Variants in PLAU observed in about 807,000 individuals in gnomAD.
PLAU encodes urokinase-type plasminogen activator.
PLAU carries 32 observed loss-of-function variants against 48.9 expected under a neutral mutation model. The ratio of observed to expected loss-of-function variants is 0.65; its 90% CI spans 0.49 to 0.88. The LOEUF (loss-of-function observed/expected upper bound fraction) is 0.88. Among genes scored for constraint, PLAU ranks in the 40% least tolerant of loss-of-function variants. PLAU has a pLI of 0.00. For missense variants in PLAU, 455 were observed against 545.2 expected, an observed-to-expected ratio of 0.83 and a Z score of 1.65; for synonymous variants, 199 against 205.7, an observed-to-expected ratio of 0.97 and a Z score of 0.28.
Position 73,913,376 on chromosome 10 carries a change from C to T in PLAU, c.455C>T (p.Ala152Val), listed in dbSNP as rs2096129082. The T allele has an allele frequency of 6.2e-7, 1 of 1,613,484 alleles. No individual in the cohort carries two copies. ...LVQECMVHDCADGKKPSSPPE... is the reference protein window; with the variant it reads ...LVQECMVHDCVDGKKPSSPPE... The stretch of plus-strand genomic sequence containing the variant: ...CAAGAGTGCATGGTGCATGACTGCG[C>T]AGATGGTGAGCATCACTGACCTGCT... Residue 152 changes from alanine to valine, a missense_variant, in exon 6 of 11, where the codon GCA becomes GTA. By Grantham distance (64) the Ala-to-Val change is moderately conservative. Coordinates refer to ENST00000372764, the MANE Select transcript of PLAU (RefSeq NM_002658.6).
chr10:73,913,522 C>T lies in PLAU; in HGVS notation c.461-17C>T, dbSNP rs1169167050. The T allele has an allele frequency of 6.2e-7, 1 of 1,602,984 alleles. No homozygotes were observed. The highest frequency in any genetic ancestry group is 1.7e-5 in the Admixed American group (1 of 59,710). On this transcript the variant is annotated splice_polypyrimidine_tract_variant and intron_variant, in intron 6 of 10. Transcript: ENST00000372764. ...TCCTACCTGCCTCCCTAAGACATCC[C>T]TCTGTTTGTCCTCCAGGAAAAAAGC...
Position 73,914,863 on chromosome 10 carries a change from A to G in PLAU, c.917A>G (p.Asp306Gly). ...ATCTGCCTGCCCTCGATGTATAACGATCCCCAGTTTGGCACAAGCTGTGAG... is the reference window on the plus strand; with the variant it reads ...ATCTGCCTGCCCTCGATGTATAACGGTCCCCAGTTTGGCACAAGCTGTGAG... ...QTICLPSMYNDPQFGTSCEIT... is the reference protein window; with the variant it reads ...QTICLPSMYNGPQFGTSCEIT... The change falls in exon 9 of 11, where the codon GAT becomes GGT. Residue 306 changes from aspartate (D) to glycine (G), a missense_variant. Asp to Gly is a moderately conservative substitution (Grantham distance 94, BLOSUM62 -1). Coordinates refer to ENST00000372764, the MANE Select transcript of PLAU (RefSeq NM_002658.6). 6.2e-7 allele frequency: 1 copy of G among 1,614,208 alleles called. No homozygotes were observed. The highest frequency in any genetic ancestry group is 1.7e-5 in the Admixed American group (1 of 60,026).
At chr10:73,909,717 C>T (rs1026625533), upstream of PLAU, among the ~76,000 whole-genome samples, 10 of 152,172 alleles carry the variant, frequency 6.6e-5, no homozygotes, top group African/African-American at 2.4e-4. Flanking sequence ...TGGGAAAGGG[C>T]CCAAAGCCGC....
At position 73,913,665 on chromosome 10, in the gene PLAU, T is replaced by C. The variant is rs766391157; in HGVS notation, c.587T>C (p.Ile196Thr). ...GAGAACCAGCCCTGGTTTGCGGCCA[T>C]CTACAGGAGGCACCGGGGGGGCTCT... ...TIENQPWFAA[I>T]YRRHRGGSVT... The change falls in exon 7 of 11, where the codon ATC (isoleucine) becomes ACC (threonine). Residue 196 changes from isoleucine (I) to threonine (T), a missense_variant. Ile to Thr is a moderately conservative substitution (Grantham distance 89, BLOSUM62 -1). Coordinates refer to ENST00000372764, the MANE Select transcript of PLAU (RefSeq NM_002658.6). The C allele has an allele frequency of 2.5e-5, 40 of 1,613,852 alleles. No homozygotes were observed. Among genetic ancestry groups the C allele is most frequent in the Non-Finnish European group, 3.2e-5 (38 of 1,179,926 alleles).
chr10:73,916,959 G>GT lies in PLAU; in HGVS notation c.*395dup, dbSNP rs1448195193. ...ATGAATAATTTCCCAATTAGGAAGT[G>GT]TAACAGCTGAGGTCTCTTGAGGGAG... On this transcript the variant is annotated 3_prime_UTR_variant, in exon 11 of 11. Transcript: ENST00000372764. 3 of 179,600 alleles carry GT rather than the reference G, an allele frequency of 1.7e-5. No individual in the cohort carries two copies. The highest frequency in any genetic ancestry group is 2.6e-3 in the Middle Eastern group (1 of 390). 11.1% of individuals were successfully genotyped at this position (179,600 alleles called of 1,614,324 possible). A position where few individuals can be genotyped will look rare whatever the true frequency, so the allele number is the denominator to read the frequency against.
Position 73,911,569 on chromosome 10 carries a change from T to G in PLAU, c.14T>G (p.Leu5Arg). 2 of 1,613,306 alleles carry G rather than the reference T, an allele frequency of 1.2e-6. No individual in the cohort carries two copies. Among genetic ancestry groups the G allele is most frequent in the Non-Finnish European group, 1.7e-6 (2 of 1,179,994 alleles). Reference protein sequence around the residue: MRALLARLLLCVLVV... With the variant: MRALRARLLLCVLVV... ...GACCTCGCCACCATGAGAGCCCTGC[T>G]GGCGCGCCTGCTTCTCTGCGTCCTG... The change falls in exon 2 of 11, where the codon CTG (leucine) becomes CGG (arginine). Residue 5 changes from leucine to arginine, a missense_variant. Leu to Arg is a moderately radical substitution (Grantham distance 102). Coordinates refer to ENST00000372764, the MANE Select transcript of PLAU (RefSeq NM_002658.6).
In PLAU at chr10:73,913,995, G is replaced by T. The variant is rs192623012; in HGVS notation, c.696G>T (p.Lys232Asn). Residue 232 changes from lysine to asparagine, a missense_variant, in exon 8 of 11, where the codon AAG becomes AAT. Lys to Asn is a moderately conservative substitution (Grantham distance 94, BLOSUM62 0). Coordinates refer to ENST00000372764, the MANE Select transcript of PLAU (RefSeq NM_002658.6). ...TCTCCCACAGTGATTACCCAAAGAA[G>T]GAGGACTACATCGTCTACCTGGGTC... The part of the protein sequence containing the change: ...ATHCFIDYPK[K>N]EDYIVYLGRS... 35 of 1,613,798 alleles carry T rather than the reference G, an allele frequency of 2.2e-5. No individual in the cohort carries two copies. In the East Asian group the frequency reaches 7.4e-4, roughly 34 times the overall value.
rs1385478824 is a variant in PLAU at position 73,916,654 on chromosome 10, A to C, written c.*89A>C. The C allele has an allele frequency of 7.5e-6, 8 of 1,064,382 alleles. No individual in the cohort carries two copies. In the Admixed American group the frequency reaches 1.9e-4, roughly 25 times the overall value. 65.9% of individuals were successfully genotyped at this position (1,064,382 alleles called of 1,614,324 possible). ...TCATCTCCATCAGCTGTAAGAAGAG[A>C]CTGGGAAGATAGGCTCTGCACAGAT... On this transcript the variant is annotated 3_prime_UTR_variant, in exon 11 of 11. Transcript: ENST00000372764.
rs530730869 is a variant in PLAU at position 73,912,862 on chromosome 10, T to A, written c.194-62T>A. On this transcript the variant is annotated intron_variant, in intron 4 of 10. Coordinates refer to ENST00000372764, the MANE Select transcript of PLAU (RefSeq NM_002658.6). ...AAGACTCCATCTCAAAAAAAAAAAA[T>A]AAAAGTTAGTTGGAATGTTCTTCTC... 765 of 1,237,628 alleles carry A rather than the reference T, an allele frequency of 6.2e-4. 4 individuals carry two copies. The African/African-American group carries it at 9.3e-3, about 15-fold the overall frequency. The allele number at this position is 1,237,628 out of a possible 1,614,324, so 76.7% of individuals were successfully genotyped here. A position where few individuals can be genotyped will look rare whatever the true frequency, so the allele number is the denominator to read the frequency against.
At position 73,911,813 on chromosome 10, in the gene PLAU, C is replaced by T. The variant is rs144124124; in HGVS notation, c.57+201C>T. The T allele has an allele frequency of 1.2e-3, 1,845 of 1,551,736 alleles. 21 individuals are homozygous for T. The African/African-American group carries it at 0.022, about 18-fold the overall frequency. Reference sequence around the variant, plus strand: ...ACTGGCTGGCAAGGGAGGAAGAGGCCGCCGGGACTGCCCCAGCCTGCGGGC... The same window carrying T: ...ACTGGCTGGCAAGGGAGGAAGAGGCTGCCGGGACTGCCCCAGCCTGCGGGC... On this transcript the variant is annotated intron_variant, in intron 2 of 10. Coordinates refer to ENST00000372764, the MANE Select transcript of PLAU (RefSeq NM_002658.6).
At chr10:73,908,942 C>T (rs2096119734), upstream of PLAU, among the ~76,000 whole-genome samples, 1 of 151,710 alleles carries the variant, frequency 6.6e-6, no homozygotes, top group African/African-American at 2.4e-5. Flanking sequence ...TGGGAGGACC[C>T]CTTGAACCCA....
intron 7 of PLAU, 59 bp downstream of exon 7, chr10:73,913,817 C>T: frequency 3.5e-6 from 5 of 1,445,452 alleles, no homozygotes; most frequent in Non-Finnish European, 4.7e-6. Context: ...ACATCCCTTT[C>T]TCCTTCCCAG....
Position 73,914,757 on chromosome 10 carries a change from A to G in PLAU, c.830-19A>G. On this transcript the variant is annotated intron_variant, in intron 8 of 10. Coordinates refer to ENST00000372764, the MANE Select transcript of PLAU (RefSeq NM_002658.6). ...AACCAGTAGTGATCTTTCTCCTCTG[A>G]CCCTCTGTCCTCCCCCAGCCTTGCT... 2 of 1,610,386 alleles carry G rather than the reference A, an allele frequency of 1.2e-6. No homozygotes were observed. The highest frequency in any genetic ancestry group is 2.2e-5 in the South Asian group (2 of 90,698).
At chr10:73,915,442 C>T (rs897503403) in intron 10 of PLAU, 43 bp downstream of exon 10, 2 of 1,546,636 alleles carry the variant, frequency 1.3e-6, no homozygotes, top group African/African-American at 1.4e-5. Context: ...CCATATCTCC[C>T]CAGAGCTCCT....
Position 73,913,601 on chromosome 10 carries a change from C to G in PLAU, c.523C>G (p.Pro175Ala). The change falls in exon 7 of 11, where the codon CCC becomes GCC. Residue 175 changes from proline (P) to alanine (A), a missense_variant. Physicochemically the swap from Pro to Ala is conservative, Grantham distance 27. Coordinates refer to ENST00000372764, the MANE Select transcript of PLAU (RefSeq NM_002658.6). ...TCAGTGTGGCCAAAAGACTCTGAGG[C>G]CCCGCTTTAAGATTATTGGGGGAGA... ...KFQCGQKTLR[P>A]RFKIIGGEFT... The G allele has an allele frequency of 6.2e-7, 1 of 1,613,984 alleles. No individual in the cohort carries two copies. The highest frequency in any genetic ancestry group is 8.5e-7 in the Non-Finnish European group (1 of 1,179,978).
chr10:73,916,902 C>A lies in PLAU; in HGVS notation c.*337C>A. The A allele has an allele frequency of 4.2e-6, 1 of 238,526 alleles. No homozygotes were observed. The highest frequency in any genetic ancestry group is 8.2e-6 in the Non-Finnish European group (1 of 122,260). The allele number at this position is 238,526 out of a possible 1,614,324, so 14.8% of individuals were successfully genotyped here. A position where few individuals can be genotyped will look rare whatever the true frequency, so the allele number is the denominator to read the frequency against. Reference sequence around the variant, plus strand: ...GTGAAGGGAGAGCCAGCTCCCCCGACGGTGGGCATTTGTGAGGCCCATGGT... The same window carrying A: ...GTGAAGGGAGAGCCAGCTCCCCCGAAGGTGGGCATTTGTGAGGCCCATGGT... On this transcript the variant is annotated 3_prime_UTR_variant, in exon 11 of 11. Transcript: ENST00000372764.
At chr10:73,913,914 G>T in intron 7 of PLAU, 66 bp from the exon 8 acceptor site, 2 of 1,530,318 alleles carry the variant, frequency 1.3e-6, no homozygotes, top group South Asian at 1.1e-5. Flanking sequence ...GAGGCCTCTA[G>T]GGAGGGAAGG....
At chr10:73,909,872 A>T (rs118083423), upstream of PLAU, 1 of 135,892 alleles carries the variant, frequency 7.4e-6, no homozygotes, top group East Asian at 2.0e-4. Context: ...ATGTTCCTCC[A>T]AGTGTGCCCA....
chr10:73,915,140 A>T, intron 9 of PLAU, 111 bp from the exon 10 acceptor site: 8 of 1,221,856 alleles, frequency 6.5e-6, no homozygotes, highest in Non-Finnish European at 9.3e-6. Context: ...ATTTGCATGG[A>T]AGAGAATAAG....
Sources: allele counts gnomAD v4.1 joint callset (sites outside exome capture counted in the v4.1 genomes callset), GRCh38; gene constraint gnomAD v4.1.1; transcripts MANE v1.5; gene names NCBI Gene and HGNC (gene_info 2026-07-23, HGNC 2026-07-21).